Variants in PPM1H observed in about 807,000 individuals in gnomAD.
The protein encoded by PPM1H is protein phosphatase 1H.
In PPM1H, 27 loss-of-function variants were observed where a neutral mutation model predicts 54.9. The ratio of observed to expected loss-of-function variants is 0.49; its 90% CI spans 0.36 to 0.68. The LOEUF is 0.68. PPM1H is among the 30% of genes least tolerant of loss of function. PPM1H has a pLI of 0.00. For synonymous variants in PPM1H, 305 were observed against 270.8 expected (o/e 1.13, Z -1.24); for missense variants, 596 against 667.8 (o/e 0.89, Z 1.19).
rs79165601 is a variant in PPM1H at position 62,930,728 on chromosome 12, G to A, written c.245+3764C>T. On this transcript the variant is annotated intron_variant, in intron 1 of 9. Transcript: ENST00000228705. ...TGGGTCAGACTGTTGCTCCCCAAGG[G>A]CTTTATCAAATGAGCAAACCAAACA... 4.6e-3 allele frequency among the ~76,000 whole-genome samples: 699 copies of A among 152,330 alleles called. 6 individuals are homozygous for A. Among genetic ancestry groups the A allele is most frequent in the African/African-American group, 0.011 (458 of 41,568 alleles).
At chr12:62,878,754 AC>A (rs1457142813) in intron 1 of PPM1H, among the ~76,000 whole-genome samples, 1 of 152,020 alleles carries the variant, frequency 6.6e-6, no homozygotes, top group African/African-American at 2.4e-5. Context: ...AGCCTGGCCA[AC>A]ATGGCGAAAC....
intron 9 of PPM1H, among the ~76,000 whole-genome samples, chr12:62,649,133 G>A (rs1443490218): frequency 4.6e-5 from 7 of 151,360 alleles, no homozygotes; most frequent in African/African-American, 1.7e-4. Flanking sequence ...AAAAAAGTGA[G>A]TTAAGGAAAA....
At chr12:62,755,293 A>T in intron 4 of PPM1H, 2 of 1,032,434 alleles carry the variant, frequency 1.9e-6, no homozygotes, top group Non-Finnish European at 3.0e-6. Flanking sequence ...GGCGGTTTTT[A>T]ACTCTGGTAA....
chr12:62,711,855 C>T (rs140519887), intron 6 of PPM1H, among the ~76,000 whole-genome samples: 2 of 152,178 alleles, frequency 1.3e-5, no homozygotes, highest in African/African-American at 4.8e-5. Flanking sequence ...CTTTCTCCTC[C>T]CTGTGGTCTG....
rs1491167297 is a variant in PPM1H at position 62,673,716 on chromosome 12, T to TTA, written c.1246-6388_1246-6387insTA. ...CTTTGTGACTTGAGAAGAGCCACTC[T>TTA]TTTTTTTTTTTTTTTTTTTTTTTTT... On this transcript the variant is annotated intron_variant, in intron 8 of 9. Coordinates refer to ENST00000228705, the MANE Select transcript of PPM1H (RefSeq NM_020700.2). 1.6e-4 allele frequency among the ~76,000 whole-genome samples: 5 copies of TTA among 31,436 alleles called. No individual in the cohort carries two copies. The East Asian group carries it at 5.1e-3, about 32-fold the overall frequency. The allele number at this position is 31,436 out of a possible 152,430, so 20.6% of individuals were successfully genotyped here. A position where few individuals can be genotyped will look rare whatever the true frequency, so the allele number is the denominator to read the frequency against.
At chr12:62,673,871 G>A (rs1422236461) in intron 8 of PPM1H, among the ~76,000 whole-genome samples, 1 of 151,370 alleles carries the variant, frequency 6.6e-6, no homozygotes, top group African/African-American at 2.4e-5. Context: ...GACTACAGGT[G>A]CACACCACCT....
chr12:62,731,162 T>G (rs1197750949), intron 5 of PPM1H, among the ~76,000 whole-genome samples: 1 of 152,158 alleles, frequency 6.6e-6, no homozygotes, highest in African/African-American at 2.4e-5. Context: ...CAGAAAAAAA[T>G]GCCACAATAG....
chr12:62,701,680 G>A (rs936582319), intron 6 of PPM1H, among the ~76,000 whole-genome samples: 3 of 143,590 alleles, frequency 2.1e-5, no homozygotes, highest in Non-Finnish European at 4.6e-5. Context: ...TTGTTTGTTT[G>A]TTTTTTTTTT....
At chr12:62,760,859 C>T (rs2076504512) in intron 4 of PPM1H, among the ~76,000 whole-genome samples, 1 of 152,226 alleles carries the variant, frequency 6.6e-6, no homozygotes, top group Admixed American at 6.5e-5. Flanking sequence ...AGGGTAAGCA[C>T]TGAGTCCCAG....
At chr12:62,648,715 A>C in intron 9 of PPM1H, 79 bp from the exon 10 acceptor site, 2 of 1,460,794 alleles carry the variant, frequency 1.4e-6, no homozygotes, top group South Asian at 2.4e-5. Flanking sequence ...GGGAAGGGGG[A>C]GGCATCACTA....
chr12:62,867,997 G>A (rs1347821710), intron 1 of PPM1H, among the ~76,000 whole-genome samples: 3 of 152,066 alleles, frequency 2.0e-5, no homozygotes, highest in South Asian at 2.1e-4. Context: ...TGTCACTATC[G>A]TCTCAGTGTC....
chr12:62,853,133 T>C (rs1418594758), intron 1 of PPM1H, among the ~76,000 whole-genome samples: 3 of 152,048 alleles, frequency 2.0e-5, no homozygotes, highest in Admixed American at 2.0e-4. Flanking sequence ...CAATGAGAAG[T>C]TTCTCGGGGG....
chr12:62,696,642 A>T (rs527933558), intron 6 of PPM1H, among the ~76,000 whole-genome samples: 38 of 152,226 alleles, frequency 2.5e-4, no homozygotes, highest in Non-Finnish European at 5.1e-4. Context: ...TGTATAAATT[A>T]ATAATAGCTA....
Position 62,934,440 on chromosome 12 carries a change from C to T in PPM1H, c.245+52G>A. 2.7e-6 allele frequency: 4 copies of T among 1,488,096 alleles called. No individual in the cohort carries two copies. Among genetic ancestry groups the T allele is most frequent in the Non-Finnish European group, 3.6e-6 (4 of 1,120,624 alleles). 92.2% of individuals were successfully genotyped at this position (1,488,096 alleles called of 1,614,324 possible). On this transcript the variant is annotated intron_variant, in intron 1 of 9. Coordinates refer to ENST00000228705, the MANE Select transcript of PPM1H (RefSeq NM_020700.2). The surrounding 1 kb of genome is among the most constrained non-coding windows in gnomAD (Gnocchi z 4.2). ...GGGAGAGAAGAGGGCTGGAACCGTG[C>T]GGGGAAGGGCCGCGAGGAGAGCAGG...
Position 62,673,715 on chromosome 12 carries a change from CTTTTTTTTTT to C in PPM1H, c.1246-6396_1246-6387del, listed in dbSNP as rs567775927. ...GCTTTGTGACTTGAGAAGAGCCACT[CTTTTTTTTTT>C]TTTTTTTTTTTTTTTTTTGAGACAG... On this transcript the variant is annotated intron_variant, in intron 8 of 9. Transcript: ENST00000228705. Among the ~76,000 whole-genome samples the C allele has an allele frequency of 2.7e-3, 113 of 41,970 alleles. 4 individuals carry two copies. Among genetic ancestry groups the C allele is most frequent in the Non-Finnish European group, 3.8e-3 (78 of 20,644 alleles). 27.5% of individuals were successfully genotyped at this position (41,970 alleles called of 152,430 possible).
chr12:62,710,404 C>T (rs1592556364), intron 6 of PPM1H, among the ~76,000 whole-genome samples: 1 of 151,392 alleles, frequency 6.6e-6, no homozygotes, highest in Admixed American at 6.6e-5. Context: ...TGTTGGTGCA[C>T]GCCTTTAATC....
At chr12:62,759,077 C>A (rs1266236142) in intron 4 of PPM1H, among the ~76,000 whole-genome samples, 2 of 152,242 alleles carry the variant, frequency 1.3e-5, no homozygotes, top group African/African-American at 4.8e-5. Context: ...TAAGAACTAA[C>A]GATAATCCAC....
rs1329428613 is a variant in PPM1H, at chr12:62,788,240, A to T, written c.855T>A (p.Asn285Lys). ...CATCTGCTTACCTGCTATCCCCAGCATTTGCAACATACAGCTTCCCCAAAA... is the reference window on the plus strand; with the variant it reads ...CATCTGCTTACCTGCTATCCCCAGCTTTTGCAACATACAGCTTCCCCAAAA... ...ICLLGKLYVA[N>K]AGDSRAIIIR... Residue 285 changes from asparagine to lysine, a missense_variant, in exon 4 of 10, where the codon AAT becomes AAA. Asn to Lys is a moderately conservative substitution (Grantham distance 94, BLOSUM62 0). Around this residue, in one of 3 missense-constraint regions of PPM1H, gnomAD observed 382 missense variants for 387.1 expected, o/e 0.99. Transcript: ENST00000228705. 6.3e-7 allele frequency: 1 copy of T among 1,593,374 alleles called. No homozygotes were observed.
intron 6 of PPM1H, 119 bp from the exon 7 acceptor site, chr12:62,694,118 T>C (rs2076100104): frequency 1.2e-6 from 1 of 821,784 alleles, no homozygotes; most frequent in East Asian, 2.7e-5. Context: ...CCACACTGAC[T>C]ACCTCTTCCT....
Sources: allele counts gnomAD v4.1 joint callset (sites outside exome capture counted in the v4.1 genomes callset), GRCh38; gene constraint gnomAD v4.1.1; regional missense constraint gnomAD v4.1.1; non-coding constraint Gnocchi (gnomAD v3.1); transcripts MANE v1.5; gene names NCBI Gene and HGNC (gene_info 2026-07-23, HGNC 2026-07-21).